Variants in NRXN1 observed in about 807,000 individuals in gnomAD.
The protein encoded by NRXN1 is neurexin 1, also known as neurexin-1.
Under a neutral mutation model 150.9 loss-of-function variants are expected in NRXN1, and 39 were observed. The ratio of observed to expected loss-of-function variants is 0.26; its 90% CI spans 0.20 to 0.34. The LOEUF (loss-of-function observed/expected upper bound fraction) is 0.34, where lower values mean the gene tolerates loss of function less well. Ranked by LOEUF, NRXN1 falls within the 10% of genes least tolerant of loss-of-function variation. NRXN1 has a pLI of 1.00. For synonymous variants in NRXN1, 924 were observed against 757.0 expected, an observed-to-expected ratio of 1.22 and a Z score of -3.62; for missense variants, 1,815 against 1,949.9, an observed-to-expected ratio of 0.93 and a Z score of 1.30.
intron 18 of NRXN1, among the ~76,000 whole-genome samples, chr2:50,213,734 G>T (rs963450356): frequency 6.6e-6 from 1 of 151,828 alleles, no homozygotes; most frequent in Middle Eastern, 3.2e-3. Flanking sequence ...TCCTAACCAA[G>T]AATTCTAATC....
At chr2:50,401,472 G>C (rs1269587041) in intron 17 of NRXN1, among the ~76,000 whole-genome samples, 2 of 152,048 alleles carry the variant, frequency 1.3e-5, no homozygotes, top group South Asian at 4.1e-4. Flanking sequence ...AGCGGGGAGG[G>C]AGAGGGCTTA....
Position 50,354,852 on chromosome 2 carries a change from G to C in NRXN1, c.3364+110590C>G, listed in dbSNP as rs116683651. Among the ~76,000 whole-genome samples, 1,414 of 151,962 alleles carry C rather than the reference G, an allele frequency of 9.3e-3. 17 individuals carry two copies. The highest frequency in any genetic ancestry group is 0.032 in the African/African-American group (1,342 of 41,458). On this transcript the variant is annotated intron_variant, in intron 17 of 22. Transcript: ENST00000401669. ...TCAATGCCATGAACTGGCAACCTGGGATCTGTGTGCCTGAATTCCAAGACA... is the reference window on the plus strand; with the variant it reads ...TCAATGCCATGAACTGGCAACCTGGCATCTGTGTGCCTGAATTCCAAGACA...
intron 17 of NRXN1, among the ~76,000 whole-genome samples, chr2:50,424,127 C>T (rs995646614): frequency 2.1e-4 from 19 of 92,364 alleles, no homozygotes; most frequent in South Asian, 4.8e-4. Context: ...AAGAAGGAGG[C>T]GGAGGAGGAG....
At chr2:50,155,305 G>A (rs1417700755) in intron 18 of NRXN1, among the ~76,000 whole-genome samples, 4 of 151,444 alleles carry the variant, frequency 2.6e-5, no homozygotes, top group African/African-American at 9.7e-5. Flanking sequence ...AGAGTAGTGT[G>A]GGTAATGACC....
At chr2:50,200,260 A>C (rs2062063673) in intron 18 of NRXN1, among the ~76,000 whole-genome samples, 1 of 152,176 alleles carries the variant, frequency 6.6e-6, no homozygotes, top group South Asian at 2.1e-4. Flanking sequence ...AATCTAGATG[A>C]ACTCTTAATC....
intron 5 of NRXN1, among the ~76,000 whole-genome samples, chr2:50,683,165 TTGTAATC>T (rs1469705210): frequency 2.0e-5 from 3 of 151,978 alleles, no homozygotes; most frequent in Non-Finnish European, 4.4e-5. Context: ...GTAATCTACT[TTGTAATC>T]TGTTAGTTTT....
chr2:50,638,973 G>GA (rs1208250088), intron 5 of NRXN1, among the ~76,000 whole-genome samples: 1 of 151,946 alleles, frequency 6.6e-6, no homozygotes, highest in Non-Finnish European at 1.5e-5. Flanking sequence ...GATAGGAATA[G>GA]AAATTCTTCT....
intron 5 of NRXN1, among the ~76,000 whole-genome samples, chr2:50,627,639 A>ACACAC: frequency 8.1e-6 from 1 of 124,034 alleles, no homozygotes; most frequent in Admixed American, 8.2e-5. Flanking sequence ...CACACACACG[A>ACACAC]GAGATCCACT....
chr2:50,945,286 C>A (rs1402932570), intron 2 of NRXN1, among the ~76,000 whole-genome samples: 1 of 152,042 alleles, frequency 6.6e-6, no homozygotes, highest in Non-Finnish European at 1.5e-5. Context: ...CCAGCCTGGG[C>A]AATATGGTAA....
At chr2:50,841,912 A>C (rs1672934675) in intron 5 of NRXN1, among the ~76,000 whole-genome samples, 1 of 152,150 alleles carries the variant, frequency 6.6e-6, no homozygotes, top group South Asian at 2.1e-4. Flanking sequence ...ATTCTTTGTC[A>C]TTTTTGGAAG....
At chr2:50,154,047 T>C (rs1391212677) in intron 18 of NRXN1, among the ~76,000 whole-genome samples, 1 of 151,828 alleles carries the variant, frequency 6.6e-6, no homozygotes, top group Non-Finnish European at 1.5e-5. Context: ...TTAGAAGTTA[T>C]ACACCTTTAA....
chr2:50,623,288 T>TAC, intron 6 of NRXN1, 26 bp downstream of exon 6: 4 of 1,591,424 alleles, frequency 2.5e-6, no homozygotes, highest in Non-Finnish European at 3.4e-6. Context: ...CAAAGCCAGT[T>TAC]ACTCTCTTAT....
chr2:50,473,324 G>A (rs1010766158), intron 15 of NRXN1, among the ~76,000 whole-genome samples: 1 of 150,774 alleles, frequency 6.6e-6, no homozygotes, highest in African/African-American at 2.4e-5. Flanking sequence ...TTTCTCTCTA[G>A]GTTTGAGATT....
chr2:50,552,149 A>T (rs941508799), intron 9 of NRXN1, among the ~76,000 whole-genome samples: 1 of 152,174 alleles, frequency 6.6e-6, no homozygotes, highest in African/African-American at 2.4e-5. Flanking sequence ...ACTCATCCTA[A>T]AGTGTGACGT....
At chr2:49,982,633 T>C (rs902706164) in intron 21 of NRXN1, among the ~76,000 whole-genome samples, 9 of 152,260 alleles carry the variant, frequency 5.9e-5, no homozygotes, top group African/African-American at 2.2e-4. Flanking sequence ...TTTTATAAGT[T>C]ATATAATGGC....
intron 21 of NRXN1, among the ~76,000 whole-genome samples, chr2:49,982,434 T>C (rs916709723): frequency 2.0e-5 from 3 of 151,994 alleles, no homozygotes; most frequent in South Asian, 2.1e-4. Flanking sequence ...TAACTCTTAG[T>C]TGAATTAGTA....
intron 17 of NRXN1, among the ~76,000 whole-genome samples, chr2:50,406,755 T>C (rs1453969688): frequency 2.6e-5 from 4 of 152,160 alleles, no homozygotes; most frequent in African/African-American, 9.7e-5. Context: ...TTGGTTCTTA[T>C]CTAATGACTG....
At chr2:50,407,303 C>T (rs1407767675) in intron 17 of NRXN1, among the ~76,000 whole-genome samples, 1 of 152,106 alleles carries the variant, frequency 6.6e-6, no homozygotes, top group Non-Finnish European at 1.5e-5. Flanking sequence ...CTTCTTTGGA[C>T]ATTTTTGTCA....
intron 9 of NRXN1, among the ~76,000 whole-genome samples, chr2:50,544,645 G>C (rs969142885): frequency 6.6e-6 from 1 of 152,054 alleles, no homozygotes; most frequent in Non-Finnish European, 1.5e-5. Flanking sequence ...TTCAATAACT[G>C]TAGATAAGAA....
Sources: gnomAD v4.1 joint callset for allele counts (sites outside exome capture counted in the v4.1 genomes callset) on GRCh38, gnomAD v4.1.1 for gene constraint, MANE v1.5 for transcripts, NCBI Gene and HGNC (gene_info 2026-07-23, HGNC 2026-07-21) for gene names.